RAD54L2: variants seen among roughly 807,000 people sequenced by gnomAD.
RAD54L2 encodes helicase ARIP4.
RAD54L2 carries 27 observed loss-of-function variants against 138.4 expected under a neutral mutation model. The observed-to-expected ratio is 0.20, with a 90% confidence interval of 0.14 to 0.27. RAD54L2 has a LOEUF of 0.27. RAD54L2 is among the 10% of genes least tolerant of loss of function. The probability of loss-of-function intolerance (pLI) is 1.00; values close to 1 mark genes in which losing one functional copy is unlikely to be tolerated. For missense variants in RAD54L2, 1,396 were observed against 1,890.2 expected (o/e 0.74, Z 4.85); for synonymous variants, 644 against 723.2 (o/e 0.89, Z 1.76).
At chr3:51,554,508 G>C (rs1164894982) in intron 2 of RAD54L2, among the ~76,000 whole-genome samples, 2 of 152,080 alleles carry the variant, frequency 1.3e-5, no homozygotes, top group Non-Finnish European at 2.9e-5. Context: ...TGGGCAACAA[G>C]AGTGAAACTC....
intron 3 of RAD54L2, among the ~76,000 whole-genome samples, chr3:51,610,637 C>T (rs1420192163): frequency 7.2e-5 from 10 of 139,176 alleles, no homozygotes; most frequent in Non-Finnish European, 1.1e-4. Context: ...AAGACTCCAT[C>T]TCAAAAAAAA....
intron 3 of RAD54L2, among the ~76,000 whole-genome samples, chr3:51,615,116 CGA>C (rs1700415136): frequency 6.6e-6 from 1 of 152,026 alleles, no homozygotes; most frequent in Non-Finnish European, 1.5e-5. Flanking sequence ...TGAGTTAAAG[CGA>C]TTCTCCTGTC....
intron 19 of RAD54L2, among the ~76,000 whole-genome samples, chr3:51,648,013 C>T (rs1559652132): frequency 2.0e-5 from 3 of 152,150 alleles, no homozygotes; most frequent in Admixed American, 2.0e-4. Context: ...CTGGGAAGCT[C>T]AAGGGGTCTG....
chr3:51,647,406 G>A (rs955463078), intron 19 of RAD54L2, among the ~76,000 whole-genome samples: 1 of 152,252 alleles, frequency 6.6e-6, no homozygotes, highest in South Asian at 2.1e-4. Flanking sequence ...AGTGGCTCAC[G>A]CCTGTAATCC....
At chr3:51,575,364 G>T (rs1415555801) in intron 2 of RAD54L2, among the ~76,000 whole-genome samples, 4 of 152,058 alleles carry the variant, frequency 2.6e-5, no homozygotes, top group Non-Finnish European at 5.9e-5. Context: ...CTTTAAAGTA[G>T]TTTTTTTCCA....
intron 2 of RAD54L2, among the ~76,000 whole-genome samples, chr3:51,561,963 G>A (rs1699108571): frequency 6.6e-6 from 1 of 151,644 alleles, no homozygotes; most frequent in South Asian, 2.1e-4. Flanking sequence ...TGACTTCCTG[G>A]GCCCAAGCAA....
chr3:51,553,369 C>T (rs1008686608), intron 2 of RAD54L2, among the ~76,000 whole-genome samples: 2 of 152,210 alleles, frequency 1.3e-5, no homozygotes, highest in Admixed American at 6.6e-5. Flanking sequence ...AGCCACTGCA[C>T]CCAGCTTAAC....
chr3:51,657,986 G>A (rs531826088), intron 21 of RAD54L2, among the ~76,000 whole-genome samples: 3 of 139,194 alleles, frequency 2.2e-5, no homozygotes, highest in Admixed American at 8.0e-5. Context: ...GTGCAGTTGC[G>A]TGATCTCGGC....
rs550547949 is a variant in RAD54L2, at chr3:51,585,970, A to G, written c.-54-4397A>G. Among the ~76,000 whole-genome samples, 7 of 152,180 alleles carry G rather than the reference A, an allele frequency of 4.6e-5. No homozygotes were observed. The South Asian group carries it at 1.2e-3, about 27-fold the overall frequency. Reference sequence around the variant, plus strand: ...AGATTGTAGCAGTGTTTTGCCTAGAATGAGGAGCAAATGAGGGAGATGGAT... The same window carrying G: ...AGATTGTAGCAGTGTTTTGCCTAGAGTGAGGAGCAAATGAGGGAGATGGAT... On this transcript the variant is annotated intron_variant, in intron 2 of 22. Transcript: ENST00000684192.
chr3:51,628,400 A>AT lies in RAD54L2; in HGVS notation c.341+654dup, dbSNP rs889729480. On this transcript the variant is annotated intron_variant, in intron 4 of 22. Coordinates refer to ENST00000684192, the MANE Select transcript of RAD54L2 (RefSeq NM_015106.4). ...TTTTCTTTTCTTAATTTATTTATTTATTTTTTTTGAGATAAAGTCTCTCTC... is the reference window on the plus strand; with the variant it reads ...TTTTCTTTTCTTAATTTATTTATTTATTTTTTTTTGAGATAAAGTCTCTCTC... 6.6e-5 allele frequency among the ~76,000 whole-genome samples: 10 copies of AT among 151,184 alleles called. 1 individual carries two copies. The highest frequency in any genetic ancestry group is 6.3e-4 in the South Asian group (3 of 4,784).
intron 2 of RAD54L2, among the ~76,000 whole-genome samples, chr3:51,545,439 C>G (rs929859198): frequency 6.6e-6 from 1 of 151,876 alleles, no homozygotes; most frequent in Non-Finnish European, 1.5e-5. Flanking sequence ...ATCCACCTGC[C>G]TCTGCTTCCC....
At chr3:51,620,518 T>C (rs1451382618) in intron 3 of RAD54L2, among the ~76,000 whole-genome samples, 1 of 149,246 alleles carries the variant, frequency 6.7e-6, no homozygotes, top group African/African-American at 2.5e-5. Flanking sequence ...TTTTATACAA[T>C]AGGAGAGAGA....
chr3:51,607,012 A>AATT (rs923212577), intron 3 of RAD54L2, among the ~76,000 whole-genome samples: 2 of 145,614 alleles, frequency 1.4e-5, no homozygotes, highest in Non-Finnish European at 3.0e-5. Flanking sequence ...TTATTATTTT[A>AATT]ATTATTATTA....
At chr3:51,644,980 T>C (rs748855628) in intron 16 of RAD54L2, 44 bp from the exon 17 acceptor site, 2 of 1,607,484 alleles carry the variant, frequency 1.2e-6, no homozygotes, top group Non-Finnish European at 1.7e-6. Flanking sequence ...TGAAAACCTT[T>C]TTTAAGACTA....
At position 51,637,102 on chromosome 3, in the gene RAD54L2, A is replaced by G; in HGVS notation, c.1340-59A>G. 7.0e-7 allele frequency: 1 copy of G among 1,422,548 alleles called. No homozygotes were observed. Among genetic ancestry groups the G allele is most frequent in the Non-Finnish European group, 9.7e-7 (1 of 1,034,490 alleles). The allele number at this position is 1,422,548 out of a possible 1,614,324, so 88.1% of individuals were successfully genotyped here. ...TCCAGGGTGCACCCCTACTTCTCAT[A>G]TTATTGACTAAGAGCAGGCCCTGTC... On this transcript the variant is annotated intron_variant, in intron 10 of 22. Transcript: ENST00000684192. This position sits in a 1 kb window ranked among gnomAD's most constrained non-coding sequence, Gnocchi z 5.9.
intron 2 of RAD54L2, among the ~76,000 whole-genome samples, chr3:51,571,484 C>T (rs1241319717): frequency 1.3e-5 from 2 of 151,326 alleles, no homozygotes; most frequent in Non-Finnish European, 2.9e-5. Context: ...CTTCGCCTCC[C>T]GGGTTCAAGC....
At chr3:51,655,919 G>C in intron 19 of RAD54L2, 52 bp from the exon 20 acceptor site, 1 of 1,489,726 alleles carries the variant, frequency 6.7e-7, no homozygotes, top group South Asian at 1.3e-5. Context: ...CTTTGGAAAA[G>C]GTAACAGTTG....
In RAD54L2 at chr3:51,629,455, C is replaced by G; in HGVS notation, c.463C>G (p.Pro155Ala). 3 of 1,612,600 alleles carry G rather than the reference C, an allele frequency of 1.9e-6. No individual in the cohort carries two copies. The highest frequency in any genetic ancestry group is 8.5e-7 in the Non-Finnish European group (1 of 1,179,428). ...KDYAAPIPTV[P>A]LEFLPEEIAL... ...TTATGCAGCCCCTATTCCTACTGTT[C>G]CGCTGGAGTTCCTCCCTGGTAAGCA... Residue 155 changes from proline (P) to alanine (A), a missense_variant, in exon 5 of 23, where the codon CCG becomes GCG. Pro to Ala is a conservative substitution (Grantham distance 27, BLOSUM62 -1). Coordinates refer to ENST00000684192, the MANE Select transcript of RAD54L2 (RefSeq NM_015106.4).
intron 3 of RAD54L2, 61 bp downstream of exon 3, chr3:51,590,620 C>T (rs1699820506): frequency 6.4e-7 from 1 of 1,551,862 alleles, no homozygotes; most frequent in Non-Finnish European, 8.7e-7. Context: ...GGAATTTTTG[C>T]TGGGAGACCT....
Sources: allele counts gnomAD v4.1 joint callset (sites outside exome capture counted in the v4.1 genomes callset), GRCh38; gene constraint gnomAD v4.1.1; non-coding constraint Gnocchi (gnomAD v3.1); transcripts MANE v1.5; gene names NCBI Gene and HGNC (gene_info 2026-07-23, HGNC 2026-07-21).